WWTR1: variants seen among roughly 807,000 people sequenced by gnomAD.
WWTR1 encodes WW domain-containing transcription regulator protein 1.
WWTR1 carries 13 observed loss-of-function variants against 40.1 expected under a neutral mutation model. The ratio of observed to expected loss-of-function variants is 0.32; its 90% CI spans 0.21 to 0.52. WWTR1 has a LOEUF of 0.52. Ranked by LOEUF, WWTR1 falls within the 20% of genes least tolerant of loss-of-function variation. The probability of loss-of-function intolerance (pLI) is 0.97; values close to 1 mark genes in which losing one functional copy is unlikely to be tolerated. For synonymous variants in WWTR1, 230 were observed against 210.1 expected (o/e 1.09, Z -0.82); for missense variants, 436 against 523.1 (o/e 0.83, Z 1.63).
rs1257396927 is a variant in WWTR1, at chr3:149,689,372, A to G, written c.-108+13752T>C. ...CTCCAACCTGGGTGACAGAGTGAGA[A>G]CCTATCTCAAAAAAAAAAAAAAAAA... On this transcript the variant is annotated intron_variant, in intron 1 of 7. Transcript: ENST00000465804. Among the ~76,000 whole-genome samples, 6 of 127,578 alleles carry G rather than the reference A, an allele frequency of 4.7e-5. No individual in the cohort carries two copies. The East Asian group carries it at 1.5e-3, about 32-fold the overall frequency. 83.7% of individuals were successfully genotyped at this position (127,578 alleles called of 152,430 possible). A position where few individuals can be genotyped will look rare whatever the true frequency, so the allele number is the denominator to read the frequency against.
intron 4 of WWTR1, among the ~76,000 whole-genome samples, chr3:149,538,316 CT>C (rs35338957): frequency 2.0e-5 from 3 of 151,382 alleles, no homozygotes; most frequent in Admixed American, 6.6e-5. Flanking sequence ...ATAAGAATTG[CT>C]TTTTTTTTCT....
At chr3:149,618,268 C>T (rs2108080007) in intron 2 of WWTR1, among the ~76,000 whole-genome samples, 1 of 152,280 alleles carries the variant, frequency 6.6e-6, no homozygotes, top group East Asian at 1.9e-4. Context: ...AGGCTGGCTA[C>T]AAGCCTGGGT....
At chr3:149,587,567 A>G (rs965561341) in intron 2 of WWTR1, among the ~76,000 whole-genome samples, 16 of 152,314 alleles carry the variant, frequency 1.1e-4, no homozygotes, top group African/African-American at 3.8e-4. Flanking sequence ...TGTGCCTTGT[A>G]TTTAATTGAC....
Position 149,603,543 on chromosome 3 carries a change from G to GT in WWTR1, c.432-30544dup, listed in dbSNP as rs201016297. ...TAATGCTAATAATTTAGTTACAAAG[G>GT]TTCCCCACCCCCCCCTTGTACTCCA... On this transcript the variant is annotated intron_variant, in intron 2 of 6. Transcript: ENST00000360632. Among the ~76,000 whole-genome samples, 1,169 of 135,312 alleles carry GT rather than the reference G, an allele frequency of 8.6e-3. 20 individuals carry two copies. The highest frequency in any genetic ancestry group is 0.036 in the African/African-American group (1,091 of 30,652). The allele number at this position is 135,312 out of a possible 152,430, so 88.8% of individuals were successfully genotyped here.
intron 2 of WWTR1, among the ~76,000 whole-genome samples, chr3:149,642,866 G>T (rs957800327): frequency 6.6e-6 from 1 of 151,936 alleles, no homozygotes; most frequent in Non-Finnish European, 1.5e-5. Context: ...GACCCAAAAA[G>T]TGGGGACGGT....
chr3:149,586,825 T>C (rs985739121), intron 2 of WWTR1, among the ~76,000 whole-genome samples: 2 of 152,162 alleles, frequency 1.3e-5, no homozygotes, highest in African/African-American at 4.8e-5. Context: ...ATTATGCCTA[T>C]GTAATAAAGC....
intron 2 of WWTR1, among the ~76,000 whole-genome samples, chr3:149,652,661 A>C: frequency 8.8e-6 from 1 of 113,942 alleles, no homozygotes; most frequent in African/African-American, 3.4e-5. Flanking sequence ...AAAAAAAAAA[A>C]AAAAAAGATG....
chr3:149,623,739 A>G (rs916934062), intron 2 of WWTR1, among the ~76,000 whole-genome samples: 3 of 152,226 alleles, frequency 2.0e-5, no homozygotes, highest in Non-Finnish European at 2.9e-5. Flanking sequence ...GTGACCGTGT[A>G]GAGAAGATAC....
At chr3:149,563,262 T>C (rs940919814) in intron 3 of WWTR1, among the ~76,000 whole-genome samples, 3 of 152,188 alleles carry the variant, frequency 2.0e-5, no homozygotes, top group Non-Finnish European at 2.9e-5. Flanking sequence ...GACCTAGCCT[T>C]CACCTTCCTA....
At chr3:149,697,482 G>A (rs1227681770) in intron 1 of WWTR1, among the ~76,000 whole-genome samples, 2 of 152,108 alleles carry the variant, frequency 1.3e-5, no homozygotes, top group Non-Finnish European at 2.9e-5. Flanking sequence ...TTCATGGACT[G>A]GAAGAATCAA....
chr3:149,524,654 A>G (rs1051076121), intron 6 of WWTR1, among the ~76,000 whole-genome samples: 1 of 152,142 alleles, frequency 6.6e-6, no homozygotes, highest in Non-Finnish European at 1.5e-5. Flanking sequence ...TTCTCAATGC[A>G]AAGATGACAA....
At chr3:149,705,030 T>C (rs1401282415), upstream of WWTR1, among the ~76,000 whole-genome samples, 1 of 151,992 alleles carries the variant, frequency 6.6e-6, no homozygotes, top group Non-Finnish European at 1.5e-5. Context: ...AAATAACTCT[T>C]AGAAATTTGA....
At chr3:149,690,525 T>C (rs1714788785) in intron 1 of WWTR1, among the ~76,000 whole-genome samples, 1 of 152,162 alleles carries the variant, frequency 6.6e-6, no homozygotes, top group Non-Finnish European at 1.5e-5. Flanking sequence ...AAGAAGGTCA[T>C]TATATAATGA....
At chr3:149,716,852 G>A (rs1715617136) in intron 5 of WWTR1, among the ~76,000 whole-genome samples, 1 of 151,756 alleles carries the variant, frequency 6.6e-6, no homozygotes, top group South Asian at 2.1e-4. Context: ...GAAATCATAA[G>A]AAAAAAAATG....
At chr3:149,703,864 C>T (rs1216721186), upstream of WWTR1, among the ~76,000 whole-genome samples, 1 of 152,230 alleles carries the variant, frequency 6.6e-6, no homozygotes, top group African/African-American at 2.4e-5. Context: ...GAGTCCCCAT[C>T]AGAAGCAGAT....
intron 1 of WWTR1, among the ~76,000 whole-genome samples, chr3:149,691,873 G>A (rs1256528904): frequency 2.0e-5 from 3 of 152,130 alleles, no homozygotes; most frequent in East Asian, 1.9e-4. Context: ...AAAATTAGCC[G>A]GGCGTGGTGG....
rs76325421 is a variant in WWTR1 at position 149,612,389 on chromosome 3, A to G, written c.432-39389T>C. Among the ~76,000 whole-genome samples, 8 of 151,574 alleles carry G rather than the reference A, an allele frequency of 5.3e-5. 1 individual carries two copies. The South Asian group carries it at 1.7e-3, about 32-fold the overall frequency. ...AGGAGGGGAAAAGAAAAAAAAAAAAACTCCACCTACCAGTATATACTTTGG... is the reference window on the plus strand; with the variant it reads ...AGGAGGGGAAAAGAAAAAAAAAAAAGCTCCACCTACCAGTATATACTTTGG... On this transcript the variant is annotated intron_variant, in intron 2 of 6. Coordinates refer to ENST00000360632, the MANE Select transcript of WWTR1 (RefSeq NM_015472.6).
intron 2 of WWTR1, among the ~76,000 whole-genome samples, chr3:149,581,178 T>C (rs924148902): frequency 6.6e-6 from 1 of 152,160 alleles, no homozygotes; most frequent in Admixed American, 6.5e-5. Context: ...AAAACACTAT[T>C]ATTGGTTATA....
intron 1 of WWTR1, among the ~76,000 whole-genome samples, chr3:149,699,268 T>C (rs1021629266): frequency 6.6e-6 from 1 of 151,878 alleles, no homozygotes; most frequent in Non-Finnish European, 1.5e-5. Flanking sequence ...AAATTTCTTC[T>C]GCCAGATATT....
Sources: gnomAD v4.1 joint callset for allele counts (sites outside exome capture counted in the v4.1 genomes callset) on GRCh38, gnomAD v4.1.1 for gene constraint, MANE v1.5 for transcripts, NCBI Gene and HGNC (gene_info 2026-07-23, HGNC 2026-07-21) for gene names.